The following AKAP8L variants were observed in gnomAD, a reference collection of about 807,000 sequenced individuals.
AKAP8L encodes the protein A-kinase anchor protein 8-like.
A neutral mutation model predicts 77.5 loss-of-function variants in AKAP8L; 34 were observed. The ratio of observed to expected loss-of-function variants is 0.44; its 90% CI spans 0.33 to 0.58. AKAP8L has a LOEUF of 0.58. Ranked by LOEUF, AKAP8L falls within the 20% of genes least tolerant of loss-of-function variation. The pLI is 0.02. For missense variants in AKAP8L, 806 were observed against 887.6 expected (o/e 0.91, Z 1.17); for synonymous variants, 342 against 340.7 (o/e 1.00, Z -0.04).
chr19:15,413,170 G>A (rs1004629878), intron 1 of AKAP8L, among the ~76,000 whole-genome samples: 2 of 152,174 alleles, frequency 1.3e-5, no homozygotes, highest in Non-Finnish European at 2.9e-5. Flanking sequence ...GGGCAGGTGG[G>A]CAAGATTCCT....
chr19:15,412,087 A>G (rs1460512784), intron 1 of AKAP8L, among the ~76,000 whole-genome samples: 1 of 152,218 alleles, frequency 6.6e-6, no homozygotes, highest in Non-Finnish European at 1.5e-5. Flanking sequence ...GTGTGCCTGT[A>G]GTCCCAGCTG....
intron 12 of AKAP8L, among the ~76,000 whole-genome samples, chr19:15,393,352 C>T (rs1370067260): frequency 2.6e-5 from 4 of 152,070 alleles, no homozygotes; most frequent in African/African-American, 9.7e-5. Flanking sequence ...AAAATTAAAA[C>T]TATTGTGCTA....
intron 7 of AKAP8L, 95 bp downstream of exon 7, chr19:15,400,699 G>T: frequency 1.4e-6 from 2 of 1,434,860 alleles, no homozygotes; most frequent in East Asian, 2.4e-5. Flanking sequence ...ACGCAGAGCT[G>T]ACACAGCATT....
chr19:15,400,752 G>T, intron 7 of AKAP8L, 42 bp downstream of exon 7: 1 of 1,609,340 alleles, frequency 6.2e-7, no homozygotes, highest in Non-Finnish European at 8.5e-7. Flanking sequence ...AGGCCAGCTC[G>T]CCCTGCCTGC....
At chr19:15,389,985 A>G (rs1211356644) in intron 12 of AKAP8L, among the ~76,000 whole-genome samples, 1 of 151,890 alleles carries the variant, frequency 6.6e-6, no homozygotes, top group Admixed American at 6.6e-5. Context: ...CCCTGTCTCT[A>G]TTTATTTTTT....
At position 15,403,712 on chromosome 19, in the gene AKAP8L, T is replaced by C. The variant is rs941547150; in HGVS notation, c.125A>G (p.Tyr42Cys). Residue 42 changes from tyrosine (Y) to cysteine (C), a missense_variant, in exon 4 of 14, where the codon TAC (tyrosine) becomes TGC (cysteine). Coordinates refer to ENST00000397410, the MANE Select transcript of AKAP8L (RefSeq NM_014371.4). The surrounding 1 kb of genome is among the most constrained non-coding windows in gnomAD (Gnocchi z 4.3). ...GTWNSGTNRGYEGYGYGYGYG... is the reference protein window; with the variant it reads ...GTWNSGTNRGCEGYGYGYGYG... ...GCCATAGCCATAGCCATAGCCCTCG[T>C]AGCCTGCAGTGAGGGAGACAGAGAC... is the stretch of plus-strand genomic sequence containing the variant. 5 of 1,570,374 alleles carry C rather than the reference T, an allele frequency of 3.2e-6. No homozygotes were observed. Among genetic ancestry groups the C allele is most frequent in the Non-Finnish European group, 4.3e-6 (5 of 1,155,784 alleles).
chr19:15,417,977 T>C (rs1322157934), intron 1 of AKAP8L, among the ~76,000 whole-genome samples: 2 of 152,166 alleles, frequency 1.3e-5, no homozygotes, highest in Non-Finnish European at 2.9e-5. Context: ...TCAAATCCCA[T>C]TGGCCTCCCA....
intron 12 of AKAP8L, among the ~76,000 whole-genome samples, chr19:15,384,420 C>T (rs1013818853): frequency 2.0e-5 from 3 of 151,464 alleles, no homozygotes; most frequent in African/African-American, 7.3e-5. Flanking sequence ...CTGCCTCAGC[C>T]CCCTGAGTAG....
At chr19:15,413,349 A>AC (rs886442876) in intron 1 of AKAP8L, among the ~76,000 whole-genome samples, 11 of 152,262 alleles carry the variant, frequency 7.2e-5, no homozygotes, top group Non-Finnish European at 1.3e-4. Flanking sequence ...GCTTCCCCAG[A>AC]CCCCACGTGA....
At position 15,380,221 on chromosome 19, in the gene AKAP8L, G is replaced by A. The variant is rs1399808835; in HGVS notation, c.1842C>T (p.Gly614=). The change falls in exon 14 of 14, where the codon GGC becomes GGT. Residue 614 remains glycine, a synonymous_variant. Transcript: ENST00000397410. ...GCGCCCCTCCCAGCAAGGGCACGGC[G>A]CCCTCCTCCTCCTCCTCTGGGGGCG... is the stretch of plus-strand genomic sequence containing the variant. ...PPPPPEEEEE[G]AVPLLGGALQ... is the part of the protein sequence containing the mutation. 4 of 1,508,786 alleles carry A rather than the reference G, an allele frequency of 2.7e-6. No individual in the cohort carries two copies. The highest frequency in any genetic ancestry group is 2.9e-5 in the African/African-American group (2 of 69,134). 93.5% of individuals were successfully genotyped at this position (1,508,786 alleles called of 1,614,324 possible).
rs1024015385 is a variant in AKAP8L at position 15,403,170 on chromosome 19, T to C, written c.362+305A>G. 2.4e-6 allele frequency: 1 copy of C among 421,976 alleles called. No individual in the cohort carries two copies. Among genetic ancestry groups the C allele is most frequent in the Non-Finnish European group, 4.5e-6 (1 of 224,602 alleles). 26.1% of individuals were successfully genotyped at this position (421,976 alleles called of 1,614,324 possible). On this transcript the variant is annotated intron_variant, in intron 4 of 13. Coordinates refer to ENST00000397410, the MANE Select transcript of AKAP8L (RefSeq NM_014371.4). The surrounding 1 kb of genome is among the most constrained non-coding windows in gnomAD (Gnocchi z 4.3). ...CGAGAGAATTCCAAATGGCTGTCCT[T>C]GGAGGGAGGGGTGGCTGAACACTCT...
intron 2 of AKAP8L, among the ~76,000 whole-genome samples, chr19:15,405,901 G>A (rs947482953): frequency 2.0e-5 from 3 of 151,486 alleles, no homozygotes; most frequent in African/African-American, 4.9e-5. Context: ...CAGGCTAGGC[G>A]ACCGAGCGAG....
Position 15,393,310 on chromosome 19 carries a change from G to A in AKAP8L, c.1536+3840C>T, listed in dbSNP as rs72994074. ...TAGATTCTTAGTTATGACACCCAAA[G>A]CATAAGCAATAAAAGAAAATTGGAC... On this transcript the variant is annotated intron_variant, in intron 12 of 13. Coordinates refer to ENST00000397410, the MANE Select transcript of AKAP8L (RefSeq NM_014371.4). 4.4e-3 allele frequency among the ~76,000 whole-genome samples: 666 copies of A among 152,120 alleles called. 2 individuals carry two copies. Among genetic ancestry groups the A allele is most frequent in the Non-Finnish European group, 7.4e-3 (502 of 67,988 alleles).
At chr19:15,395,548 C>T (rs1251562182) in intron 12 of AKAP8L, among the ~76,000 whole-genome samples, 3 of 151,384 alleles carry the variant, frequency 2.0e-5, no homozygotes, top group Non-Finnish European at 2.9e-5. Context: ...CTCTTGACCT[C>T]GTCATCTGCC....
At position 15,397,672 on chromosome 19, in the gene AKAP8L, G is replaced by A. The variant is rs1482978363; in HGVS notation, c.1299+42C>T. 1.9e-6 allele frequency: 3 copies of A among 1,613,816 alleles called. No homozygotes were observed. The highest frequency in any genetic ancestry group is 2.7e-5 in the African/African-American group (2 of 74,908). On this transcript the variant is annotated intron_variant, in intron 10 of 13. Coordinates refer to ENST00000397410, the MANE Select transcript of AKAP8L (RefSeq NM_014371.4). This position sits in a 1 kb window ranked among gnomAD's most constrained non-coding sequence, Gnocchi z 4.7. Reference sequence around the variant, plus strand: ...ATGTGGGCCGCCTTATGTTCTCAGGGGTCCAAGAAACTAAGAGCGGCTGTG... The same window carrying A: ...ATGTGGGCCGCCTTATGTTCTCAGGAGTCCAAGAAACTAAGAGCGGCTGTG...
chr19:15,380,454 G>A lies in AKAP8L; in HGVS notation c.1633-24C>T, dbSNP rs755443343. The stretch of plus-strand genomic sequence containing the variant: ...CCCTGTGGGGAGGGGCGCGGACACT[G>A]AAGGGAGGGAGCACAGGCGGGGACT... On this transcript the variant is annotated intron_variant, in intron 13 of 13. Transcript: ENST00000397410. The A allele has an allele frequency of 1.9e-4, 306 of 1,611,100 alleles. 1 individual carries two copies. Among genetic ancestry groups the A allele is most frequent in the Admixed American group, 1.6e-3 (93 of 59,602 alleles).
chr19:15,407,006 A>T (rs1968014348), intron 2 of AKAP8L, among the ~76,000 whole-genome samples: 1 of 152,204 alleles, frequency 6.6e-6, no homozygotes, highest in Admixed American at 6.5e-5. Flanking sequence ...TCACACCTGT[A>T]ATCCTTTTGG....
chr19:15,400,289 A>C lies in AKAP8L; in HGVS notation c.1048+6T>G. 2.1e-6 allele frequency: 3 copies of C among 1,433,698 alleles called. No individual in the cohort carries two copies. The highest frequency in any genetic ancestry group is 3.0e-6 in the Non-Finnish European group (3 of 1,016,192). 88.8% of individuals were successfully genotyped at this position (1,433,698 alleles called of 1,614,324 possible). ...CCCTAGCACCAGGCACCCCAGGAAA[A>C]CTCACCCTTCTCTGGATCCTCTTTG... On this transcript the variant is annotated splice_donor_region_variant and intron_variant, in intron 8 of 13. Coordinates refer to ENST00000397410, the MANE Select transcript of AKAP8L (RefSeq NM_014371.4).
chr19:15,395,301 T>A (rs1317033855), intron 12 of AKAP8L, among the ~76,000 whole-genome samples: 3 of 151,530 alleles, frequency 2.0e-5, no homozygotes, highest in Non-Finnish European at 2.9e-5. Flanking sequence ...CAAAGTGCCG[T>A]GCCCATTGTT....
Sources: gnomAD v4.1 joint callset for allele counts (sites outside exome capture counted in the v4.1 genomes callset) on GRCh38, gnomAD v4.1.1 for gene constraint, Gnocchi (gnomAD v3.1) non-coding constraint, MANE v1.5 for transcripts, NCBI Gene and HGNC (gene_info 2026-07-23, HGNC 2026-07-21) for gene names.